SLC14A2: variants seen among roughly 807,000 people sequenced by gnomAD.
SLC14A2 encodes the protein urea transporter 2.
In SLC14A2, 91 loss-of-function variants were observed where a neutral mutation model predicts 104.6. The ratio of observed to expected loss-of-function variants is 0.87; its 90% CI spans 0.73 to 1.04. SLC14A2 has a LOEUF of 1.04. Ranked by LOEUF, SLC14A2 falls within the 50% of genes least tolerant of loss-of-function variation. The pLI is 0.00. For missense variants in SLC14A2, 1,189 were observed against 1,156.0 expected (o/e 1.03, Z -0.41); for synonymous variants, 476 against 466.4 (o/e 1.02, Z -0.27).
intron 2 of SLC14A2, among the ~76,000 whole-genome samples, chr18:45,562,643 G>A (rs2044215987): frequency 6.6e-6 from 1 of 152,192 alleles, no homozygotes; most frequent in African/African-American, 2.4e-5. Flanking sequence ...GTTGGCCCGG[G>A]CAGCCGGCCT....
intron 2 of SLC14A2, among the ~76,000 whole-genome samples, chr18:45,600,421 G>A (rs1216871967): frequency 6.6e-6 from 1 of 152,120 alleles, no homozygotes; most frequent in East Asian, 1.9e-4. Flanking sequence ...ACCCAACCAG[G>A]AGTGGAGAAA....
chr18:45,576,272 CTTTTTTT>C (rs776335445), intron 2 of SLC14A2, among the ~76,000 whole-genome samples: 2 of 90,698 alleles, frequency 2.2e-5, no homozygotes, highest in African/African-American at 4.2e-5. Flanking sequence ...GGAGCAGGGG[CTTTTTTT>C]TTTTTTTTTT....
intron 2 of SLC14A2, among the ~76,000 whole-genome samples, chr18:45,526,301 A>C (rs1449174687): frequency 6.6e-6 from 1 of 152,190 alleles, no homozygotes; most frequent in African/African-American, 2.4e-5. Flanking sequence ...ACCTTGTGTG[A>C]TACGGCCAGA....
Position 45,678,969 on chromosome 18 carries a change from T to TTTTTTTTG in SLC14A2, c.2513-5_2513-4insTTTTTTGT. 1 of 1,604,240 alleles carries TTTTTTTTG rather than the reference T, an allele frequency of 6.2e-7. No homozygotes were observed. The highest frequency in any genetic ancestry group is 2.2e-5 in the East Asian group (1 of 44,842). On this transcript the variant is annotated splice_region_variant and splice_polypyrimidine_tract_variant and intron_variant, in intron 18 of 19. Transcript: ENST00000255226. ...CTATTTCTTTCTTTTTTTTTTTTTT[T>TTTTTTTTG]TCTAGCACTGTTTGCTGCCTACCTG...
At chr18:45,461,262 T>C (rs527439370) in intron 1 of SLC14A2, among the ~76,000 whole-genome samples, 14 of 152,300 alleles carry the variant, frequency 9.2e-5, no homozygotes, top group South Asian at 2.1e-4. Flanking sequence ...AAAACTTGCA[T>C]TGGGGAAAGC....
At chr18:45,415,738 G>A (rs2086269703) in intron 1 of SLC14A2, among the ~76,000 whole-genome samples, 1 of 152,150 alleles carries the variant, frequency 6.6e-6, no homozygotes, top group South Asian at 2.1e-4. Flanking sequence ...TAATGGGGCT[G>A]AGTGGAGCTG....
At chr18:45,656,430 T>A (rs1326269762) in intron 10 of SLC14A2, among the ~76,000 whole-genome samples, 1 of 152,168 alleles carries the variant, frequency 6.6e-6, no homozygotes, top group Non-Finnish European at 1.5e-5. Flanking sequence ...GCAGAGGAAT[T>A]TGAGCACAAT....
chr18:45,426,753 A>G (rs1264037193), intron 1 of SLC14A2, among the ~76,000 whole-genome samples: 1 of 151,460 alleles, frequency 6.6e-6, no homozygotes, highest in Non-Finnish European at 1.5e-5. Context: ...GCTTAATGGA[A>G]AACCAGCCCT....
At chr18:45,441,199 A>T (rs2086677523) in intron 1 of SLC14A2, among the ~76,000 whole-genome samples, 1 of 152,148 alleles carries the variant, frequency 6.6e-6, no homozygotes, top group East Asian at 1.9e-4. Context: ...AAAAATAACA[A>T]GGTGCCTTTT....
At chr18:45,505,983 CA>C (rs1399478252) in intron 2 of SLC14A2, among the ~76,000 whole-genome samples, 1 of 152,160 alleles carries the variant, frequency 6.6e-6, no homozygotes, top group Non-Finnish European at 1.5e-5. Flanking sequence ...TTCAGAGAAG[CA>C]CCTTCTTGAA....
chr18:45,662,768 G>A (rs1205422357), intron 10 of SLC14A2, among the ~76,000 whole-genome samples: 1 of 152,110 alleles, frequency 6.6e-6, no homozygotes, highest in African/African-American at 2.4e-5. Flanking sequence ...GTTTTCTACT[G>A]TTCCAAGCAG....
chr18:45,491,184 T>C (rs140773572), intron 2 of SLC14A2, among the ~76,000 whole-genome samples: 1 of 152,328 alleles, frequency 6.6e-6, no homozygotes, highest in Non-Finnish European at 1.5e-5. Context: ...ATTTACAATA[T>C]TGAAAATTGG....
At chr18:45,536,125 T>C (rs1290008981) in intron 2 of SLC14A2, among the ~76,000 whole-genome samples, 1 of 152,202 alleles carries the variant, frequency 6.6e-6, no homozygotes, top group Non-Finnish European at 1.5e-5. Context: ...GGAGGAGGTA[T>C]TGTATTGCCT....
intron 10 of SLC14A2, among the ~76,000 whole-genome samples, chr18:45,658,887 AT>A (rs966013479): frequency 2.6e-5 from 4 of 152,154 alleles, no homozygotes; most frequent in African/African-American, 9.7e-5. Flanking sequence ...ACAAATCATC[AT>A]GGCTCATAAC....
At chr18:45,179,738 G>T in the SLC14A2 span, 1 of 151,534 alleles carries the variant, frequency 6.6e-6, no homozygotes, top group Admixed American at 6.6e-5. Context: ...GGCATATAAG[G>T]GTTCAGAAAA....
intron 1 of SLC14A2, among the ~76,000 whole-genome samples, chr18:45,291,505 G>C (rs370533442): frequency 6.6e-6 from 1 of 152,108 alleles, no homozygotes; most frequent in Non-Finnish European, 1.5e-5. Context: ...CCCTGGTTAC[G>C]CAGAAGCTCA....
intron 2 of SLC14A2, among the ~76,000 whole-genome samples, chr18:45,516,950 A>G (rs1202582014): frequency 1.3e-5 from 2 of 152,240 alleles, no homozygotes; most frequent in Non-Finnish European, 2.9e-5. Context: ...AAAGGTGAAC[A>G]GTATCTGGAA....
chr18:45,463,986 C>T (rs1457140404), intron 1 of SLC14A2, among the ~76,000 whole-genome samples: 1 of 152,148 alleles, frequency 6.6e-6, no homozygotes. Flanking sequence ...GGATGTTTTG[C>T]AAGGTTAGTA....
At chr18:45,256,567 T>A (rs2084480779) in intron 1 of SLC14A2, among the ~76,000 whole-genome samples, 1 of 152,184 alleles carries the variant, frequency 6.6e-6, no homozygotes, top group Non-Finnish European at 1.5e-5. Context: ...TTAAACTCAA[T>A]TCGGTGGAAG....
Sources: gnomAD v4.1 joint callset for allele counts (sites outside exome capture counted in the v4.1 genomes callset) on GRCh38, gnomAD v4.1.1 for gene constraint, MANE v1.5 for transcripts, NCBI Gene and HGNC (gene_info 2026-07-23, HGNC 2026-07-21) for gene names.